The following SPATA16 variants were observed in gnomAD, a reference collection of about 807,000 sequenced individuals.
SPATA16 encodes the protein spermatogenesis associated 16, also known as spermatogenesis-associated protein 16.
Under a neutral mutation model 63.3 loss-of-function variants are expected in SPATA16, and 36 were observed. The observed-to-expected ratio is 0.57, with a 90% CI of 0.44 to 0.75. The LOEUF is 0.75. Among genes scored for constraint, SPATA16 ranks in the 30% least tolerant of loss-of-function variants. The probability of loss-of-function intolerance (pLI) is 0.00; values close to 1 mark genes in which losing one functional copy is unlikely to be tolerated. For synonymous variants in SPATA16, 203 were observed against 216.7 expected, an observed-to-expected ratio of 0.94 and a Z score of 0.56; for missense variants, 646 against 679.3, an observed-to-expected ratio of 0.95 and a Z score of 0.54.
At chr3:172,940,562 T>A (rs1392111) in intron 6 of SPATA16, among the ~76,000 whole-genome samples, 51,294 of 152,094 alleles carry the variant, frequency 0.34, 8,912 homozygotes, top group Admixed American at 0.39. Context: ...AAACTAGGTT[T>A]TTAAAAGTTG....
intron 2 of SPATA16, among the ~76,000 whole-genome samples, chr3:173,100,110 A>G (rs1737454838): frequency 6.6e-6 from 1 of 152,222 alleles, no homozygotes; most frequent in Non-Finnish European, 1.5e-5. Context: ...AGAGAAATAT[A>G]CAATAACTCA....
intron 7 of SPATA16, 41 bp from the exon 8 acceptor site, chr3:172,924,358 G>T: frequency 6.8e-7 from 1 of 1,465,146 alleles, no homozygotes; most frequent in South Asian, 1.1e-5. Context: ...ATTTTCTCCA[G>T]ACTTCCATTT....
intron 6 of SPATA16, among the ~76,000 whole-genome samples, chr3:172,933,559 G>A (rs1478447543): frequency 6.6e-6 from 1 of 152,192 alleles, no homozygotes; most frequent in East Asian, 1.9e-4. Flanking sequence ...GCACTTGAGG[G>A]CATGGCAGAG....
chr3:173,137,885 G>A (rs1045449407), intron 1 of SPATA16, among the ~76,000 whole-genome samples: 4 of 96,702 alleles, frequency 4.1e-5, no homozygotes, highest in East Asian at 7.4e-4. Context: ...ACACACACAC[G>A]TCTCCCTAAA....
chr3:172,902,445 G>A (rs995454637), intron 10 of SPATA16, among the ~76,000 whole-genome samples: 1 of 152,154 alleles, frequency 6.6e-6, no homozygotes, highest in African/African-American at 2.4e-5. Flanking sequence ...TTTAAAAAAT[G>A]ATTTTGACCC....
chr3:173,041,043 T>A (rs1735828156), intron 3 of SPATA16, among the ~76,000 whole-genome samples: 1 of 152,174 alleles, frequency 6.6e-6, no homozygotes, highest in Non-Finnish European at 1.5e-5. Context: ...TGAGTTGGAA[T>A]ATTTAATGTG....
At chr3:172,981,391 C>A (rs1034440897) in intron 4 of SPATA16, among the ~76,000 whole-genome samples, 3 of 152,140 alleles carry the variant, frequency 2.0e-5, no homozygotes, top group Non-Finnish European at 2.9e-5. Flanking sequence ...AAAAACTAAC[C>A]TCTTTATAGT....
intron 3 of SPATA16, among the ~76,000 whole-genome samples, chr3:173,042,070 T>C (rs1735854420): frequency 6.6e-6 from 1 of 152,110 alleles, no homozygotes; most frequent in African/African-American, 2.4e-5. Context: ...AACTCACGGG[T>C]ATCTGTAATG....
At chr3:173,019,273 A>T (rs1170756940) in intron 4 of SPATA16, among the ~76,000 whole-genome samples, 1 of 152,204 alleles carries the variant, frequency 6.6e-6, no homozygotes, top group Non-Finnish European at 1.5e-5. Flanking sequence ...ATGGCTGGAA[A>T]GTTTGAATTT....
intron 4 of SPATA16, among the ~76,000 whole-genome samples, chr3:173,003,695 A>G (rs1319358280): frequency 6.6e-6 from 1 of 152,240 alleles, no homozygotes; most frequent in Non-Finnish European, 1.5e-5. Context: ...TACTGTTCAT[A>G]CCAGTGTTTC....
chr3:172,925,313 A>T, intron 7 of SPATA16, 33 bp downstream of exon 7: 2 of 1,613,234 alleles, frequency 1.2e-6, no homozygotes, highest in Non-Finnish European at 8.5e-7. Flanking sequence ...ACAGGCTACT[A>T]TATGCTAGAC....
intron 4 of SPATA16, among the ~76,000 whole-genome samples, chr3:172,992,912 G>C (rs573143596): frequency 1.3e-5 from 2 of 152,276 alleles, no homozygotes; most frequent in South Asian, 4.1e-4. Flanking sequence ...TTTGAGGAAA[G>C]CAAAGTCTTT....
intron 6 of SPATA16, among the ~76,000 whole-genome samples, chr3:172,929,964 A>G (rs1732830826): frequency 6.6e-6 from 1 of 152,174 alleles, no homozygotes; most frequent in African/African-American, 2.4e-5. Context: ...ATTTGAAGCC[A>G]TTGTTGACTT....
At chr3:173,063,028 G>C (rs7641894) in intron 2 of SPATA16, among the ~76,000 whole-genome samples, 27,542 of 151,990 alleles carry the variant, frequency 0.18, 2,545 homozygotes, top group South Asian at 0.23. Context: ...GCCACGATTG[G>C]GGACCCCTGT....
intron 1 of SPATA16, among the ~76,000 whole-genome samples, chr3:173,130,706 G>A (rs1490642864): frequency 6.6e-6 from 1 of 152,060 alleles, no homozygotes; most frequent in East Asian, 1.9e-4. Context: ...CCAAAAGTAG[G>A]GCTCACCTAG....
intron 6 of SPATA16, among the ~76,000 whole-genome samples, chr3:172,955,422 A>C (rs1026392246): frequency 5.9e-5 from 9 of 152,196 alleles, no homozygotes; most frequent in African/African-American, 2.2e-4. Flanking sequence ...ATAATGAATA[A>C]TTTGTAACAA....
chr3:172,921,033 A>G, intron 8 of SPATA16, among the ~76,000 whole-genome samples: 1 of 149,944 alleles, frequency 6.7e-6, no homozygotes, highest in East Asian at 1.9e-4. Flanking sequence ...TTTCCTAGCC[A>G]TTAGTTCCAC....
intron 1 of SPATA16, among the ~76,000 whole-genome samples, chr3:173,124,634 G>C (rs1738178983): frequency 6.6e-6 from 1 of 152,046 alleles, no homozygotes. Flanking sequence ...AAACTCCCTT[G>C]ACTTTCATAT....
At chr3:172,998,902 A>C (rs1422898754) in intron 4 of SPATA16, among the ~76,000 whole-genome samples, 1 of 152,154 alleles carries the variant, frequency 6.6e-6, no homozygotes, top group Non-Finnish European at 1.5e-5. Flanking sequence ...ATTCCACTTG[A>C]TAAAGGAGTA....
Sources: gnomAD v4.1 joint callset for allele counts (sites outside exome capture counted in the v4.1 genomes callset) on GRCh38, gnomAD v4.1.1 for gene constraint, MANE v1.5 for transcripts, NCBI Gene and HGNC (gene_info 2026-07-23, HGNC 2026-07-21) for gene names.